Variants in CCDC171 observed in about 807,000 individuals in gnomAD.
CCDC171 encodes the protein coiled-coil domain containing 171.
CCDC171 carries 177 observed loss-of-function variants against 168.2 expected under a neutral mutation model. The observed-to-expected ratio is 1.05, with a 90% CI of 0.93 to 1.19. The LOEUF is 1.19. CCDC171 is among the 50% of genes most tolerant of loss of function. CCDC171 has a pLI of 0.00. For synonymous variants in CCDC171, 687 were observed against 540.8 expected, an observed-to-expected ratio of 1.27 and a Z score of -3.75; for missense variants, 1,991 against 1,539.0, an observed-to-expected ratio of 1.29 and a Z score of -4.91.
intron 11 of CCDC171, among the ~76,000 whole-genome samples, chr9:15,719,976 G>A (rs534375603): frequency 2.7e-4 from 15 of 56,428 alleles, no homozygotes; most frequent in Admixed American, 1.7e-3. Context: ...TAGTCATTAC[G>A]AAGAGTACTG....
intron 24 of CCDC171, among the ~76,000 whole-genome samples, chr9:15,889,371 C>T (rs1296019480): frequency 6.6e-6 from 1 of 152,080 alleles, no homozygotes; most frequent in African/African-American, 2.4e-5. Flanking sequence ...CTGTTGTTTC[C>T]ATGCATTGTG....
chr9:15,888,632 T>A (rs1458147977), intron 24 of CCDC171, among the ~76,000 whole-genome samples: 2 of 152,184 alleles, frequency 1.3e-5, no homozygotes, highest in Non-Finnish European at 2.9e-5. Flanking sequence ...TAGAATTGTT[T>A]CGCTTATTAT....
At position 15,744,589 on chromosome 9, in the gene CCDC171, TGAAAAA is replaced by T. The variant is rs772017745; in HGVS notation, c.2372_2377del (p.Lys791_Lys792del). ...GAAAAGAAGCAAGAGGAAGCCAAGA[TGAAAAA>T]GAAAACATTCAAAGGATTGATACGT... On this transcript the variant is annotated inframe_deletion, in exon 17 of 26. Coordinates refer to ENST00000380701, the MANE Select transcript of CCDC171 (RefSeq NM_173550.4). 3.1e-6 allele frequency: 5 copies of T among 1,614,098 alleles called. No individual in the cohort carries two copies. In the African/African-American group the frequency reaches 5.3e-5, roughly 17 times the overall value.
chr9:15,796,190 A>T (rs1273289894), intron 21 of CCDC171, among the ~76,000 whole-genome samples: 1 of 152,216 alleles, frequency 6.6e-6, no homozygotes, highest in East Asian at 1.9e-4. Flanking sequence ...AAGACATGAA[A>T]ATATAGTCAT....
At chr9:16,056,549 A>G (rs1833844341) in intron 1 of CCDC171, among the ~76,000 whole-genome samples, 1 of 152,144 alleles carries the variant, frequency 6.6e-6, no homozygotes, top group East Asian at 1.9e-4. Flanking sequence ...GTGCAGCAGC[A>G]TGATCTCGGC....
At chr9:15,789,643 G>A (rs541820917) in intron 21 of CCDC171, among the ~76,000 whole-genome samples, 1 of 152,188 alleles carries the variant, frequency 6.6e-6, no homozygotes, top group Admixed American at 6.5e-5. Flanking sequence ...GGGTACATGT[G>A]CACAACGTGC....
At chr9:15,705,565 T>C (rs1242870098) in intron 11 of CCDC171, among the ~76,000 whole-genome samples, 4 of 152,222 alleles carry the variant, frequency 2.6e-5, no homozygotes, top group Non-Finnish European at 5.9e-5. Flanking sequence ...TGTATAGCTC[T>C]CTTTCTTGTC....
chr9:15,574,408 A>G (rs551751731), intron 3 of CCDC171, among the ~76,000 whole-genome samples: 1 of 151,906 alleles, frequency 6.6e-6, no homozygotes, highest in Non-Finnish European at 1.5e-5. Flanking sequence ...CTCCCAAAGT[A>G]CTGGGATTAT....
chr9:15,638,450 A>T (rs2046360492), intron 7 of CCDC171, among the ~76,000 whole-genome samples: 1 of 152,044 alleles, frequency 6.6e-6, no homozygotes, highest in African/African-American at 2.4e-5. Flanking sequence ...TGGTATTTTT[A>T]AGAGAATTAA....
intron 2 of CCDC171, among the ~76,000 whole-genome samples, chr9:15,569,708 G>C (rs916861374): frequency 2.6e-5 from 4 of 151,550 alleles, no homozygotes; most frequent in Non-Finnish European, 5.9e-5. Flanking sequence ...CCAGCTGCTC[G>C]GGAGGCTGAG....
Position 15,817,694 on chromosome 9 carries a change from A to G in CCDC171, c.3268-29008A>G, listed in dbSNP as rs1216558118. On this transcript the variant is annotated intron_variant, in intron 21 of 25. Transcript: ENST00000380701. The stretch of plus-strand genomic sequence containing the variant: ...GCTTGAGTAGGTAAGCAAAGCAACC[A>G]GGAAGCTCAAACTGGGTGGAGCCCA... 1.7e-5 allele frequency among the ~76,000 whole-genome samples: 2 copies of G among 119,060 alleles called. 1 individual carries two copies. Among genetic ancestry groups the G allele is most frequent in the African/African-American group, 6.3e-5 (2 of 31,774 alleles). 78.1% of individuals were successfully genotyped at this position (119,060 alleles called of 152,430 possible).
Position 15,820,424 on chromosome 9 carries a change from C to T in CCDC171, c.3268-26278C>T, listed in dbSNP as rs552967640. ...GGAGCTGGTTTTTTGAAAAGATCAA[C>T]AAAATTGATAGACCACTAGCAAGAC... On this transcript the variant is annotated intron_variant, in intron 21 of 25. Coordinates refer to ENST00000380701, the MANE Select transcript of CCDC171 (RefSeq NM_173550.4). 1.0e-4 allele frequency among the ~76,000 whole-genome samples: 12 copies of T among 114,376 alleles called. 5 individuals carry two copies. The East Asian group carries it at 2.6e-3, about 25-fold the overall frequency. 75.0% of individuals were successfully genotyped at this position (114,376 alleles called of 152,430 possible).
chr9:15,976,038 T>G (rs185471456), downstream of CCDC171, among the ~76,000 whole-genome samples: 103 of 152,192 alleles, frequency 6.8e-4, no homozygotes, highest in African/African-American at 2.3e-3. Flanking sequence ...GCTGTGAAGA[T>G]GGAGGCAGAG....
intron 11 of CCDC171, among the ~76,000 whole-genome samples, chr9:15,715,188 G>A (rs1052725747): frequency 6.6e-6 from 1 of 152,200 alleles, no homozygotes; most frequent in Non-Finnish European, 1.5e-5. Context: ...TTTGGTAAAG[G>A]AAGTGTTTTT....
chr9:15,930,539 A>G (rs1356727688), intron 25 of CCDC171, among the ~76,000 whole-genome samples: 1 of 151,638 alleles, frequency 6.6e-6, no homozygotes, highest in Non-Finnish European at 1.5e-5. Flanking sequence ...ACATAGACAT[A>G]AAATTACCAT....
At chr9:15,933,413 C>G (rs1463298235) in intron 25 of CCDC171, among the ~76,000 whole-genome samples, 1 of 151,458 alleles carries the variant, frequency 6.6e-6, no homozygotes, top group Non-Finnish European at 1.5e-5. Flanking sequence ...TTTTCTTAGT[C>G]TTGCTAAAGG....
rs543823816 is a variant in CCDC171 at position 15,703,753 on chromosome 9, C to G, written c.1318+8416C>G. ...TCTCTGTGAGACACTGATTTCATTT[C>G]TTTTGGATACATACTCAGCAGTGGG... On this transcript the variant is annotated intron_variant, in intron 11 of 25. Transcript: ENST00000380701. 2.6e-5 allele frequency among the ~76,000 whole-genome samples: 4 copies of G among 152,266 alleles called. No individual in the cohort carries two copies. In the East Asian group the frequency reaches 7.7e-4, roughly 29 times the overall value.
At chr9:16,009,416 T>C (rs1034773980) in intron 3 of CCDC171, among the ~76,000 whole-genome samples, 5 of 152,240 alleles carry the variant, frequency 3.3e-5, no homozygotes, top group Non-Finnish European at 7.3e-5. Context: ...TAGCTCATTG[T>C]TAATTCTCTA....
intron 7 of CCDC171, among the ~76,000 whole-genome samples, chr9:15,625,466 T>G (rs987365620): frequency 6.6e-6 from 1 of 152,246 alleles, no homozygotes; most frequent in African/African-American, 2.4e-5. Flanking sequence ...CATTTAAGTC[T>G]TTAATCCATC....
Sources: gnomAD v4.1 joint callset for allele counts (sites outside exome capture counted in the v4.1 genomes callset) on GRCh38, gnomAD v4.1.1 for gene constraint, MANE v1.5 for transcripts, NCBI Gene and HGNC (gene_info 2026-07-23, HGNC 2026-07-21) for gene names.